Variants in EYA2 observed in about 807,000 individuals in gnomAD.
The protein encoded by EYA2 is EYA transcriptional coactivator and phosphatase 2, also known as protein phosphatase EYA2.
Under a neutral mutation model 69.2 loss-of-function variants are expected in EYA2, and 31 were observed. That is an observed-to-expected ratio of 0.45 (90% CI 0.34 to 0.60). The LOEUF (loss-of-function observed/expected upper bound fraction) is 0.60, where lower values mean the gene tolerates loss of function less well. Ranked by LOEUF, EYA2 falls within the 20% of genes least tolerant of loss-of-function variation. EYA2 has a pLI of 0.02. For missense variants in EYA2, 622 were observed against 701.2 expected, an observed-to-expected ratio of 0.89 and a Z score of 1.28; for synonymous variants, 257 against 279.4, an observed-to-expected ratio of 0.92 and a Z score of 0.80.
chr20:47,086,575 C>T (rs2031899955), intron 7 of EYA2, among the ~76,000 whole-genome samples: 1 of 152,124 alleles, frequency 6.6e-6, no homozygotes, highest in South Asian at 2.1e-4. Flanking sequence ...ACAGCCAGAT[C>T]TCATGAGAAC....
chr20:47,127,047 G>A (rs1233667633), intron 9 of EYA2, among the ~76,000 whole-genome samples: 2 of 151,782 alleles, frequency 1.3e-5, no homozygotes, highest in South Asian at 2.1e-4. Flanking sequence ...ACACACAAAA[G>A]CAATATTAAT....
At chr20:46,973,054 T>C (rs1980232764) in intron 1 of EYA2, among the ~76,000 whole-genome samples, 2 of 152,122 alleles carry the variant, frequency 1.3e-5, no homozygotes, top group African/African-American at 4.8e-5. Flanking sequence ...CAGGTGGTGC[T>C]ACCTGAACAC....
chr20:47,028,956 A>C (rs1004778424), intron 5 of EYA2, among the ~76,000 whole-genome samples: 1 of 152,248 alleles, frequency 6.6e-6, no homozygotes, highest in Non-Finnish European at 1.5e-5. Flanking sequence ...AAATGCCAGA[A>C]ATCTTTTATA....
intron 9 of EYA2, among the ~76,000 whole-genome samples, chr20:47,100,346 T>G (rs1001400564): frequency 2.0e-5 from 3 of 152,128 alleles, no homozygotes; most frequent in African/African-American, 7.2e-5. Flanking sequence ...GGGGCCACAA[T>G]CAACAGGAGC....
chr20:46,940,778 T>A (rs1275506562), intron 1 of EYA2, among the ~76,000 whole-genome samples: 1 of 152,206 alleles, frequency 6.6e-6, no homozygotes, highest in Non-Finnish European at 1.5e-5. Flanking sequence ...TATGGCCAGC[T>A]GTCTCCTGCT....
At chr20:47,008,920 G>A (rs955581583) in intron 4 of EYA2, among the ~76,000 whole-genome samples, 5 of 152,214 alleles carry the variant, frequency 3.3e-5, no homozygotes, top group Non-Finnish European at 5.9e-5. Context: ...GGCCCAGGTG[G>A]TAAATACTTT....
rs1028612635 is a variant in EYA2 at position 47,157,182 on chromosome 20, T to C, written c.979-11957T>C. On this transcript the variant is annotated intron_variant, in intron 10 of 15. Transcript: ENST00000327619. ...CCAGACTGGCCAAGATGGTGAAACC[T>C]CATCTCTACTAAAAATACAAAAATT... 7.9e-5 allele frequency among the ~76,000 whole-genome samples: 12 copies of C among 151,132 alleles called. No individual in the cohort carries two copies. The East Asian group carries it at 2.4e-3, about 30-fold the overall frequency.
intron 12 of EYA2, among the ~76,000 whole-genome samples, chr20:47,173,690 T>C (rs1568827036): frequency 6.6e-6 from 1 of 152,056 alleles, no homozygotes; most frequent in African/African-American, 2.4e-5. Context: ...CCCAAGTAGC[T>C]GGGATTAGAG....
At position 47,163,006 on chromosome 20, in the gene EYA2, T is replaced by C. The variant is rs532767988; in HGVS notation, c.979-6133T>C. 1.4e-4 allele frequency among the ~76,000 whole-genome samples: 21 copies of C among 151,666 alleles called. No individual in the cohort carries two copies. In the South Asian group the frequency reaches 3.1e-3, roughly 23 times the overall value. ...ATATTTTAATGGGATTTTATAAATA[T>C]ATACATGGCATCATACTGGGTGTAT... On this transcript the variant is annotated intron_variant, in intron 10 of 15. Coordinates refer to ENST00000327619, the MANE Select transcript of EYA2 (RefSeq NM_005244.5).
rs369549691 is a variant in EYA2 at position 47,028,088 on chromosome 20, A to AAG, written c.415+11803_415+11804dup. ...TGGGATTGCTGTTCTTATAAAAAGA[A>AAG]AGAGAGAGAGAGATCTCGACCTCCT... On this transcript the variant is annotated intron_variant, in intron 5 of 15. Coordinates refer to ENST00000327619, the MANE Select transcript of EYA2 (RefSeq NM_005244.5). Among the ~76,000 whole-genome samples the AAG allele has an allele frequency of 7.3e-3, 1,115 of 152,184 alleles. 14 individuals are homozygous for AAG. Among genetic ancestry groups the AAG allele is most frequent in the African/African-American group, 0.025 (1,054 of 41,526 alleles).
intron 1 of EYA2, among the ~76,000 whole-genome samples, chr20:46,961,368 A>C (rs1228333018): frequency 2.6e-5 from 4 of 152,166 alleles, no homozygotes; most frequent in African/African-American, 9.7e-5. Context: ...ATAGAAATAA[A>C]ATAACAAATG....
At chr20:46,965,795 T>G (rs1480040530) in intron 1 of EYA2, among the ~76,000 whole-genome samples, 2 of 152,242 alleles carry the variant, frequency 1.3e-5, no homozygotes, top group Admixed American at 6.5e-5. Flanking sequence ...CCCTTTAGAA[T>G]GTGTTTGTCT....
intron 7 of EYA2, 23 bp downstream of exon 7, chr20:47,074,358 C>T: frequency 1.2e-6 from 2 of 1,610,440 alleles, no homozygotes; most frequent in African/African-American, 2.7e-5. Flanking sequence ...ACTGGTGGGG[C>T]CATTCATGGC....
intron 10 of EYA2, among the ~76,000 whole-genome samples, chr20:47,154,819 T>TTGTGTGTGTGTGTGTG (rs11472542): frequency 1.2e-3 from 174 of 140,874 alleles, no homozygotes; most frequent in Middle Eastern, 3.5e-3. Flanking sequence ...TTATTTTGTT[T>TTGTGTGTGTGTGTGTG]TGTGTGTGTG....
At chr20:47,122,922 CT>C (rs1043042572) in intron 9 of EYA2, among the ~76,000 whole-genome samples, 1 of 152,186 alleles carries the variant, frequency 6.6e-6, no homozygotes, top group African/African-American at 2.4e-5. Context: ...TTCACCACCC[CT>C]GGTCTCAAGA....
chr20:46,969,188 A>AT (rs1024346912), intron 1 of EYA2, among the ~76,000 whole-genome samples: 25 of 151,244 alleles, frequency 1.7e-4, no homozygotes, highest in African/African-American at 5.8e-4. Flanking sequence ...ATTGCCAGGA[A>AT]TTTTTTTTTG....
intron 7 of EYA2, among the ~76,000 whole-genome samples, chr20:47,077,572 T>C (rs2031561571): frequency 6.6e-6 from 1 of 152,230 alleles, no homozygotes; most frequent in South Asian, 2.1e-4. Context: ...CCACCTGTTT[T>C]GTTCCTGGGG....
chr20:47,061,265 G>A (rs1024148329), intron 5 of EYA2, among the ~76,000 whole-genome samples: 4 of 152,078 alleles, frequency 2.6e-5, no homozygotes, highest in African/African-American at 7.2e-5. Context: ...GCTGGCTTAC[G>A]CCTATAATCT....
At chr20:47,048,462 G>C (rs564080533) in intron 5 of EYA2, among the ~76,000 whole-genome samples, 3 of 152,322 alleles carry the variant, frequency 2.0e-5, no homozygotes, top group African/African-American at 2.4e-5. Context: ...TGCAGGCCGG[G>C]TGCAGTGGCC....
Sources: allele counts gnomAD v4.1 joint callset (sites outside exome capture counted in the v4.1 genomes callset), GRCh38; gene constraint gnomAD v4.1.1; transcripts MANE v1.5; gene names NCBI Gene and HGNC (gene_info 2026-07-23, HGNC 2026-07-21).